GLIS3: variants seen among roughly 807,000 people sequenced by gnomAD.
GLIS3 encodes GLIS family zinc finger 3.
Under a neutral mutation model 78.6 loss-of-function variants are expected in GLIS3, and 53 were observed. The observed-to-expected ratio is 0.67, with a 90% confidence interval of 0.54 to 0.85. The LOEUF (loss-of-function observed/expected upper bound fraction) is 0.85. Ranked by LOEUF, GLIS3 falls within the 40% of genes least tolerant of loss-of-function variation. GLIS3 has a pLI of 0.00. For synonymous variants in GLIS3, 684 were observed against 509.9 expected (o/e 1.34, Z -4.60); for missense variants, 1,703 against 1,231.1 (o/e 1.38, Z -5.74).
chr9:4,395,389 G>C, the GLIS3 span, among the ~76,000 whole-genome samples: 3 of 152,120 alleles, frequency 2.0e-5, no homozygotes, highest in Non-Finnish European at 4.4e-5. Context: ...CAGTGTTTTA[G>C]TGTGAACGTT....
rs777004063 is a variant in GLIS3 at position 3,850,433 on chromosome 9, C to G, written c.2473+5576G>C. Among the ~76,000 whole-genome samples the G allele has an allele frequency of 5.3e-5, 8 of 152,338 alleles. No individual in the cohort carries two copies. In the South Asian group the frequency reaches 6.2e-4, roughly 12 times the overall value. On this transcript the variant is annotated intron_variant, in intron 9 of 10. Coordinates refer to ENST00000381971, the MANE Select transcript of GLIS3 (RefSeq NM_001042413.2). ...CTTCTCTTGCTATTCCAGCTTTTGT[C>G]TAGGAAAGACTGTATGTGAACAAAC...
chr9:3,972,688 G>T, intron 4 of GLIS3, among the ~76,000 whole-genome samples: 1 of 152,068 alleles, frequency 6.6e-6, no homozygotes, highest in East Asian at 1.9e-4. Flanking sequence ...AGGACTTGAG[G>T]TTATAGTACT....
the GLIS3 span, among the ~76,000 whole-genome samples, chr9:4,444,119 C>A: frequency 6.6e-6 from 1 of 152,086 alleles, no homozygotes; most frequent in Non-Finnish European, 1.5e-5. Context: ...GAAATGATGA[C>A]CAGGACAAAG....
At chr9:3,963,868 G>C (rs537807883) in intron 4 of GLIS3, among the ~76,000 whole-genome samples, 1 of 151,952 alleles carries the variant, frequency 6.6e-6, no homozygotes, top group African/African-American at 2.4e-5. Context: ...CACATCACTT[G>C]AGTCAGTTTC....
chr9:4,169,401 A>T (rs1816169928), intron 2 of GLIS3, among the ~76,000 whole-genome samples: 1 of 152,214 alleles, frequency 6.6e-6, no homozygotes, highest in Non-Finnish European at 1.5e-5. Context: ...TGTCATTTTA[A>T]TTTAATGAGG....
At chr9:4,316,838 G>A (rs1033844588) in intron 2 of GLIS3, among the ~76,000 whole-genome samples, 1 of 150,074 alleles carries the variant, frequency 6.7e-6, no homozygotes, top group Admixed American at 6.7e-5. Context: ...ATTTATTTCC[G>A]TGTTTAATAT....
intron 2 of GLIS3, among the ~76,000 whole-genome samples, chr9:4,319,446 G>C (rs188484693): frequency 6.6e-6 from 1 of 152,252 alleles, no homozygotes; most frequent in Non-Finnish European, 1.5e-5. Context: ...CTGAGAACTT[G>C]ACGTTTTTCT....
rs1485812424 is a variant in GLIS3 at position 4,299,650 on chromosome 9, G to C, written c.-328C>G. The C allele has an allele frequency of 6.5e-6, 1 of 152,776 alleles. No homozygotes were observed. The highest frequency in any genetic ancestry group is 2.4e-5 in the African/African-American group (1 of 41,476). The allele number at this position is 152,776 out of a possible 1,614,324, so 9.5% of individuals were successfully genotyped here. A position where few individuals can be genotyped will look rare whatever the true frequency, so the allele number is the denominator to read the frequency against. ...CCGTGTGTGCGCGCGCGTCTGCGAGGGCAGCGGCGGCAGGGGGAGGAGGAG... is the reference window on the plus strand; with the variant it reads ...CCGTGTGTGCGCGCGCGTCTGCGAGCGCAGCGGCGGCAGGGGGAGGAGGAG... On this transcript the variant is annotated 5_prime_UTR_variant, in exon 1 of 11. Coordinates refer to ENST00000381971, the MANE Select transcript of GLIS3 (RefSeq NM_001042413.2).
At chr9:4,319,508 G>C in intron 2 of GLIS3, among the ~76,000 whole-genome samples, 1 of 151,032 alleles carries the variant, frequency 6.6e-6, no homozygotes, top group South Asian at 2.1e-4. Flanking sequence ...TGTGTAATGT[G>C]TTTTGGTAAA....
intron 4 of GLIS3, among the ~76,000 whole-genome samples, chr9:4,040,575 C>T (rs753828056): frequency 1.3e-5 from 2 of 152,086 alleles, no homozygotes; most frequent in Non-Finnish European, 2.9e-5. Flanking sequence ...GAAAAATATT[C>T]AATCAATAAG....
chr9:4,481,593 G>C, the GLIS3 span, among the ~76,000 whole-genome samples: 1 of 151,558 alleles, frequency 6.6e-6, no homozygotes, highest in Non-Finnish European at 1.5e-5. Flanking sequence ...ATGTAATTCA[G>C]GTCAAAGCTA....
At chr9:4,370,197 A>G in the GLIS3 span, among the ~76,000 whole-genome samples, 2 of 151,554 alleles carry the variant, frequency 1.3e-5, no homozygotes, top group African/African-American at 4.8e-5. Context: ...AAAAAAAAAA[A>G]AAAAAACAAC....
intron 1 of GLIS3, among the ~76,000 whole-genome samples, chr9:4,298,149 G>A (rs1385805836): frequency 6.6e-6 from 1 of 152,106 alleles, no homozygotes; most frequent in Non-Finnish European, 1.5e-5. Flanking sequence ...TGCTGCGGCT[G>A]GGAAGCCCGG....
chr9:4,098,713 T>C (rs1206718795), intron 4 of GLIS3, among the ~76,000 whole-genome samples: 2 of 152,336 alleles, frequency 1.3e-5, no homozygotes, highest in African/African-American at 4.8e-5. Context: ...TACTTTCTGT[T>C]TATCGTAAAA....
rs903171277 is a variant in GLIS3 at position 4,130,745 on chromosome 9, C to T, written c.389-4804G>A. ...ACACGGAGAACCACTTCTAGGGAGG[C>T]GTGGAGGTGAAATGTGGGGTTGGAG... On this transcript the variant is annotated intron_variant, in intron 2 of 10. Transcript: ENST00000381971. Among the ~76,000 whole-genome samples, 4 of 152,268 alleles carry T rather than the reference C, an allele frequency of 2.6e-5. No homozygotes were observed. In the East Asian group the frequency reaches 5.8e-4, roughly 22 times the overall value.
At chr9:4,235,255 C>A (rs1822617863) in intron 2 of GLIS3, among the ~76,000 whole-genome samples, 1 of 142,194 alleles carries the variant, frequency 7.0e-6, no homozygotes, top group East Asian at 2.1e-4. Context: ...TCCGAGATTG[C>A]ACTACTGCAC....
intron 2 of GLIS3, among the ~76,000 whole-genome samples, chr9:4,239,131 A>T (rs2129663408): frequency 7.6e-6 from 1 of 131,584 alleles, no homozygotes; most frequent in Non-Finnish European, 1.5e-5. Context: ...TATTGTGAAT[A>T]GTGCCGCAAT....
chr9:3,951,881 C>CACACACACACAA (rs1261035632), intron 4 of GLIS3, among the ~76,000 whole-genome samples: 4 of 150,498 alleles, frequency 2.7e-5, no homozygotes, highest in African/African-American at 9.9e-5. Flanking sequence ...CACACACACA[C>CACACACACACAA]ACACGCACGC....
intron 4 of GLIS3, among the ~76,000 whole-genome samples, chr9:3,981,762 C>T (rs764884885): frequency 3.3e-5 from 5 of 152,290 alleles, no homozygotes; most frequent in Non-Finnish European, 7.3e-5. Context: ...CATACTAATA[C>T]TTTTCATGAG....
Sources: gnomAD v4.1 joint callset for allele counts (sites outside exome capture counted in the v4.1 genomes callset) on GRCh38, gnomAD v4.1.1 for gene constraint, MANE v1.5 for transcripts, NCBI Gene and HGNC (gene_info 2026-07-23, HGNC 2026-07-21) for gene names.